NR1D1: variants seen among roughly 807,000 people sequenced by gnomAD.
NR1D1 encodes Rev-ErbAalpha.
NR1D1 carries 17 observed loss-of-function variants against 51.1 expected under a neutral mutation model. The observed-to-expected ratio is 0.33, with a 90% CI of 0.23 to 0.50. NR1D1 has a LOEUF of 0.50. Among genes scored for constraint, NR1D1 ranks in the 20% least tolerant of loss-of-function variants. NR1D1 has a pLI of 0.98. For synonymous variants in NR1D1, 341 were observed against 333.4 expected (o/e 1.02, Z -0.25); for missense variants, 647 against 830.4 (o/e 0.78, Z 2.71).
Position 40,093,648 on chromosome 17 carries a change from T to C in NR1D1, c.1645+264A>G. On this transcript the variant is annotated intron_variant, in intron 7 of 7. Coordinates refer to ENST00000246672, the MANE Select transcript of NR1D1 (RefSeq NM_021724.5). This position sits in a 1 kb window ranked among gnomAD's most constrained non-coding sequence, Gnocchi z 5.9. ...CTTACTTGTCCTTTGAGGCCCCAAC[T>C]CAAGTGTCACCTCCTTCCCCAGCTC... 1 of 657,094 alleles carries C rather than the reference T, an allele frequency of 1.5e-6. No homozygotes were observed. The highest frequency in any genetic ancestry group is 2.0e-5 in the South Asian group (1 of 50,242). 40.7% of individuals were successfully genotyped at this position (657,094 alleles called of 1,614,324 possible).
chr17:40,096,614 A>G (rs1367287948), intron 3 of NR1D1, 27 bp from the exon 4 acceptor site: 1 of 1,613,180 alleles, frequency 6.2e-7, no homozygotes, highest in Non-Finnish European at 8.5e-7. Flanking sequence ...GTTAGTGACC[A>G]CCTCCATCAT....
At position 40,093,779 on chromosome 17, in the gene NR1D1, G is replaced by T; in HGVS notation, c.1645+133C>A. The stretch of plus-strand genomic sequence containing the variant: ...GGGCATGAGTCTGTTTCCCAAGCTA[G>T]ACTGTGTCTGAATCATGTCTGTATC... On this transcript the variant is annotated intron_variant, in intron 7 of 7. Transcript: ENST00000246672. The surrounding 1 kb of genome is among the most constrained non-coding windows in gnomAD (Gnocchi z 5.9). The T allele has an allele frequency of 1.3e-6, 1 of 767,650 alleles. No individual in the cohort carries two copies. Among genetic ancestry groups the T allele is most frequent in the Non-Finnish European group, 2.1e-6 (1 of 472,474 alleles). 47.6% of individuals were successfully genotyped at this position (767,650 alleles called of 1,614,324 possible).
Position 40,093,411 on chromosome 17 carries a change from G to GA in NR1D1, c.1646-130dup. The GA allele has an allele frequency of 6.3e-7, 1 of 1,597,568 alleles. No homozygotes were observed. Among genetic ancestry groups the GA allele is most frequent in the Non-Finnish European group, 8.5e-7 (1 of 1,171,710 alleles). On this transcript the variant is annotated intron_variant, in intron 7 of 7. Transcript: ENST00000246672. The surrounding 1 kb of genome is among the most constrained non-coding windows in gnomAD (Gnocchi z 5.9). ...CCCCCAGAAGGCCGATGGGGAAGGA[G>GA]AAGGAGTGCCATACCTTCTCCCAGG...
At chr17:40,098,803 C>T (rs918877554) in intron 1 of NR1D1, among the ~76,000 whole-genome samples, 9 of 152,010 alleles carry the variant, frequency 5.9e-5, no homozygotes, top group African/African-American at 2.2e-4. Context: ...AGACAATGCT[C>T]GCAGAACTAA....
intron 1 of NR1D1, among the ~76,000 whole-genome samples, chr17:40,099,023 GGGCAGGCGGACCGGAAAAGGA>G (rs1289491692): frequency 6.6e-6 from 1 of 151,636 alleles, no homozygotes; most frequent in African/African-American, 2.4e-5. Flanking sequence ...GGAGGGGGCC[GGGCAGGCGGACCGGAAAAGGA>G]GGCAGGCGGG....
chr17:40,096,662 C>T (rs1457764085), intron 3 of NR1D1, 29 bp downstream of exon 3: 2 of 1,613,946 alleles, frequency 1.2e-6, no homozygotes, highest in Non-Finnish European at 1.7e-6. Flanking sequence ...GGGCCACCTG[C>T]CCCTGCCCTT....
At position 40,093,656 on chromosome 17, in the gene NR1D1, C is replaced by T. The variant is rs78138209; in HGVS notation, c.1645+256G>A. The T allele has an allele frequency of 1.5e-6, 1 of 647,340 alleles. No individual in the cohort carries two copies. 40.1% of individuals were successfully genotyped at this position (647,340 alleles called of 1,614,324 possible). A position where few individuals can be genotyped will look rare whatever the true frequency, so the allele number is the denominator to read the frequency against. On this transcript the variant is annotated intron_variant, in intron 7 of 7. Transcript: ENST00000246672. The surrounding 1 kb of genome is among the most constrained non-coding windows in gnomAD (Gnocchi z 5.9). ...TCCTTTGAGGCCCCAACTCAAGTGT[C>T]ACCTCCTTCCCCAGCTCCCCCAGGC...
intron 6 of NR1D1, 26 bp downstream of exon 6, chr17:40,094,905 CAAAA>C (rs1567659500): frequency 6.2e-7 from 1 of 1,606,086 alleles, no homozygotes; most frequent in Admixed American, 1.7e-5. Context: ...TCAAAAAAAA[CAAAA>C]ACCAGAAGCA....
chr17:40,096,699 C>T lies in NR1D1; in HGVS notation c.451G>A (p.Gly151Ser). Residue 151 changes from glycine (G) to serine (S), a missense_variant, in exon 3 of 8, where the codon GGC becomes AGC. Around this residue, in one of 7 missense-constraint regions of NR1D1, gnomAD observed 70 missense variants for 134.8 expected, o/e 0.52. Transcript: ENST00000246672. ...CCCCCAGTCCGCCTCACCTTGCAGCCCTCGCAGGCGTGCACACCGTAGTGG... is the reference window on the plus strand; with the variant it reads ...CCCCCAGTCCGCCTCACCTTGCAGCTCTCGCAGGCGTGCACACCGTAGTGG... ...GFHYGVHACE[G>S]CKGFFRRSIQ... The T allele has an allele frequency of 1.2e-6, 2 of 1,614,220 alleles. No homozygotes were observed. The highest frequency in any genetic ancestry group is 1.7e-6 in the Non-Finnish European group (2 of 1,180,030).
chr17:40,094,026 T>C lies in NR1D1; in HGVS notation c.1531A>G (p.Met511Val). 1 of 1,614,066 alleles carries C rather than the reference T, an allele frequency of 6.2e-7. No homozygotes were observed. Among genetic ancestry groups the C allele is most frequent in the South Asian group, 1.1e-5 (1 of 91,090 alleles). Reference sequence around the variant, plus strand: ...GCACTGAGCAGGTCTCCCATGCCCATGGCACCAAGCTCCTGCAGGCTGTAG... The same window carrying C: ...GCACTGAGCAGGTCTCCCATGCCCACGGCACCAAGCTCCTGCAGGCTGTAG... ...TTYSLQELGA[M>V]GMGDLLSAMF... Residue 511 changes from methionine (M) to valine (V), a missense_variant, in exon 7 of 8, where the codon ATG becomes GTG. This residue lies in a region of NR1D1 where 155 missense variants were observed against 236.8 expected (regional missense o/e 0.65). Coordinates refer to ENST00000246672, the MANE Select transcript of NR1D1 (RefSeq NM_021724.5).
Position 40,093,131 on chromosome 17 carries a change from G to A in NR1D1, c.1797C>T (p.Asn599=). The A allele has an allele frequency of 6.2e-7, 1 of 1,614,130 alleles. No homozygotes were observed. Among genetic ancestry groups the A allele is most frequent in the Non-Finnish European group, 8.5e-7 (1 of 1,180,032 alleles). Reference sequence around the variant, plus strand: ...ACAGCAGCTTCTCGGAATGCATGTTGTTCAGGGTCCGCAGGTCCGGCAGCT... The same window carrying A: ...ACAGCAGCTTCTCGGAATGCATGTTATTCAGGGTCCGCAGGTCCGGCAGCT... ...LLKLPDLRTL[N]NMHSEKLLSF... The change falls in exon 8 of 8, where the codon AAC becomes AAT. Residue 599 remains asparagine, a synonymous_variant. Transcript: ENST00000246672. The surrounding 1 kb of genome is among the most constrained non-coding windows in gnomAD (Gnocchi z 5.9).
chr17:40,094,885 A>G (rs199526526), intron 6 of NR1D1, 50 bp downstream of exon 6: 1 of 1,587,454 alleles, frequency 6.3e-7, no homozygotes, highest in South Asian at 1.1e-5. Context: ...GCGACAAGCG[A>G]AACTCTGTCT....
Position 40,096,106 on chromosome 17 carries a change from A to T in NR1D1, c.605-19T>A. On this transcript the variant is annotated intron_variant, in intron 4 of 7. Transcript: ENST00000246672. Reference sequence around the variant, plus strand: ...CGCACAGCTGCAACAGGATGAGAACAGCATCAGGAAGTTCTCAACCATGCT... The same window carrying T: ...CGCACAGCTGCAACAGGATGAGAACTGCATCAGGAAGTTCTCAACCATGCT... 1 of 1,606,796 alleles carries T rather than the reference A, an allele frequency of 6.2e-7. No homozygotes were observed. The highest frequency in any genetic ancestry group is 8.5e-7 in the Non-Finnish European group (1 of 1,176,274).
At chr17:40,098,327 G>A (rs1351092045) in intron 1 of NR1D1, among the ~76,000 whole-genome samples, 1 of 152,232 alleles carries the variant, frequency 6.6e-6, no homozygotes, top group South Asian at 2.1e-4. Flanking sequence ...CCATGCCACT[G>A]TGTCTGCAGA....
At chr17:40,096,353 G>GT in intron 4 of NR1D1, 90 bp downstream of exon 4, 1 of 1,567,486 alleles carries the variant, frequency 6.4e-7, no homozygotes, top group South Asian at 1.1e-5. Context: ...ACAGTATGAT[G>GT]TGTCTCCATT....
rs201549900 is a variant in NR1D1, at chr17:40,096,528, C to T, written c.519G>A (p.Glu173=). Residue 173 remains glutamate, a synonymous_variant, in exon 4 of 8, where the codon GAG becomes GAA. Coordinates refer to ENST00000246672, the MANE Select transcript of NR1D1 (RefSeq NM_021724.5). ...NIQYKRCLKN[E]NCSIVRINRN... ...GATTGATGCGGACGATGGAGCAATTCTCATTCTTCAGACACCTTTTGTACT... is the reference window on the plus strand; with the variant it reads ...GATTGATGCGGACGATGGAGCAATTTTCATTCTTCAGACACCTTTTGTACT... 4.3e-6 allele frequency: 7 copies of T among 1,614,098 alleles called. No individual in the cohort carries two copies. Among genetic ancestry groups the T allele is most frequent in the Non-Finnish European group, 5.9e-6 (7 of 1,180,048 alleles).
At position 40,097,217 on chromosome 17, in the gene NR1D1, G is replaced by T; in HGVS notation, c.218C>A (p.Pro73His). The stretch of plus-strand genomic sequence containing the variant: ...AGGGGAGCCGTCATCACTCAGGCTG[G>T]GTGGAATGCTCCCAAAGGAGCGAGC... ...DPARSFGSIP[P>H]SLSDDGSPSS... is the part of the protein sequence containing the mutation. The change falls in exon 2 of 8, where the codon CCC becomes CAC. Residue 73 changes from proline to histidine, a missense_variant. Pro to His is a moderately conservative substitution (Grantham distance 77). Around this residue, in one of 7 missense-constraint regions of NR1D1, gnomAD observed 98 missense variants for 94.7 expected, o/e 1.03. Transcript: ENST00000246672. The T allele has an allele frequency of 6.2e-7, 1 of 1,611,794 alleles. No individual in the cohort carries two copies. Among genetic ancestry groups the T allele is most frequent in the Middle Eastern group, 1.7e-4 (1 of 6,058 alleles).
In NR1D1 at chr17:40,095,515, CGTG is replaced by C. The variant is rs770637727; in HGVS notation, c.1174_1176del (p.His392del). 6 of 1,580,502 alleles carry C rather than the reference CGTG, an allele frequency of 3.8e-6. No homozygotes were observed. In the South Asian group the frequency reaches 6.9e-5, roughly 18 times the overall value. On this transcript the variant is annotated inframe_deletion, in exon 5 of 8. Transcript: ENST00000246672. ...GCCTTGCCTTCTGGGGCTGCATACA[CGTG>C]GGTGGGGCATAGACGGTGCCCGTTG...
rs115703770 is a variant in NR1D1 at position 40,098,526 on chromosome 17, C to T, written c.32-1123G>A. 3.8e-3 allele frequency among the ~76,000 whole-genome samples: 572 copies of T among 152,280 alleles called. 3 individuals carry two copies. Among genetic ancestry groups the T allele is most frequent in the African/African-American group, 0.012 (513 of 41,532 alleles). On this transcript the variant is annotated intron_variant, in intron 1 of 7. Coordinates refer to ENST00000246672, the MANE Select transcript of NR1D1 (RefSeq NM_021724.5). The stretch of plus-strand genomic sequence containing the variant: ...CAGTAAATGAAGTTGACCTAGTTCA[C>T]CCATCCCCCAAAAAGGAGTGAGACC...
Sources: allele counts gnomAD v4.1 joint callset (sites outside exome capture counted in the v4.1 genomes callset), GRCh38; gene constraint gnomAD v4.1.1; regional missense constraint gnomAD v4.1.1; non-coding constraint Gnocchi (gnomAD v3.1); transcripts MANE v1.5; gene names NCBI Gene and HGNC (gene_info 2026-07-23, HGNC 2026-07-21).